Variants in ARHGAP15 observed in about 807,000 individuals in gnomAD.
ARHGAP15 encodes Rho GTPase activating protein 15.
In ARHGAP15, 51 loss-of-function variants were observed where a neutral mutation model predicts 63.7. That is an observed-to-expected ratio of 0.80 (90% CI 0.64 to 1.01). ARHGAP15 has a LOEUF of 1.01. ARHGAP15 is among the 50% of genes least tolerant of loss of function. The pLI, the probability that ARHGAP15 is intolerant of heterozygous loss-of-function variation, is 0.00. For missense variants in ARHGAP15, 560 were observed against 564.6 expected (o/e 0.99, Z 0.08); for synonymous variants, 191 against 193.8 (o/e 0.99, Z 0.12).
intron 11 of ARHGAP15, among the ~76,000 whole-genome samples, chr2:143,610,404 A>G (rs1238942509): frequency 1.3e-5 from 2 of 152,208 alleles, no homozygotes; most frequent in African/African-American, 4.8e-5. Flanking sequence ...ACTGAGATTC[A>G]TAGTTTGGTT....
At chr2:143,525,860 A>G (rs1694248250) in intron 10 of ARHGAP15, among the ~76,000 whole-genome samples, 1 of 152,204 alleles carries the variant, frequency 6.6e-6, no homozygotes, top group South Asian at 2.1e-4. Context: ...GAAATCAGAG[A>G]TGACAAGGTG....
intron 6 of ARHGAP15, among the ~76,000 whole-genome samples, chr2:143,318,509 CTT>C (rs535910161): frequency 3.9e-3 from 215 of 55,590 alleles, no homozygotes; most frequent in African/African-American, 0.012. Context: ...GATTAAGGGC[CTT>C]TTTTTTTTTT....
chr2:143,604,578 A>G (rs140684475), intron 11 of ARHGAP15, among the ~76,000 whole-genome samples: 17 of 152,336 alleles, frequency 1.1e-4, no homozygotes, highest in African/African-American at 3.8e-4. Context: ...TATTATATCT[A>G]GGTAGTGACT....
chr2:143,206,961 G>A (rs930100868), intron 3 of ARHGAP15, among the ~76,000 whole-genome samples: 1 of 151,410 alleles, frequency 6.6e-6, no homozygotes, highest in African/African-American at 2.4e-5. Flanking sequence ...AAATATATAT[G>A]CACATATATT....
At chr2:143,292,940 CA>C (rs1256133589) in intron 6 of ARHGAP15, among the ~76,000 whole-genome samples, 4 of 152,036 alleles carry the variant, frequency 2.6e-5, no homozygotes, top group Non-Finnish European at 5.9e-5. Flanking sequence ...TCCAATCCAA[CA>C]GTACCAGAAT....
At chr2:143,307,334 A>G (rs1178013976) in intron 6 of ARHGAP15, among the ~76,000 whole-genome samples, 1 of 152,156 alleles carries the variant, frequency 6.6e-6, no homozygotes, top group African/African-American at 2.4e-5. Context: ...TCTGTAGTGA[A>G]AAGAGAGGAT....
chr2:143,282,363 AAG>A (rs942906570), intron 6 of ARHGAP15, among the ~76,000 whole-genome samples: 5 of 152,226 alleles, frequency 3.3e-5, no homozygotes, highest in African/African-American at 9.6e-5. Context: ...TATAAGGAAA[AAG>A]AGGTTTAATA....
chr2:143,171,320 G>T (rs1690772651), intron 2 of ARHGAP15, among the ~76,000 whole-genome samples: 1 of 152,090 alleles, frequency 6.6e-6, no homozygotes, highest in Non-Finnish European at 1.5e-5. Context: ...CTACACAGGT[G>T]TTGTTTTCTA....
At chr2:143,687,330 T>C (rs917041018) in intron 12 of ARHGAP15, among the ~76,000 whole-genome samples, 7 of 152,218 alleles carry the variant, frequency 4.6e-5, no homozygotes, top group Admixed American at 3.3e-4. Flanking sequence ...GTATAGGTTT[T>C]ATTTTCCACT....
intron 6 of ARHGAP15, among the ~76,000 whole-genome samples, chr2:143,332,792 C>T (rs751967097): frequency 6.6e-6 from 1 of 152,048 alleles, no homozygotes; most frequent in Non-Finnish European, 1.5e-5. Flanking sequence ...TTTTCAGAAA[C>T]TTGCTGGAAC....
At chr2:143,387,750 A>G (rs1331801242) in intron 6 of ARHGAP15, among the ~76,000 whole-genome samples, 1 of 151,510 alleles carries the variant, frequency 6.6e-6, no homozygotes, top group Non-Finnish European at 1.5e-5. Context: ...AAAAAGTGGG[A>G]AAAAACAGAG....
chr2:143,368,084 T>C (rs996043004), intron 6 of ARHGAP15, among the ~76,000 whole-genome samples: 1 of 152,090 alleles, frequency 6.6e-6, no homozygotes, highest in African/African-American at 2.4e-5. Flanking sequence ...TCTTCATACT[T>C]TTCTATGCCT....
chr2:143,669,021 A>G (rs1194760714), intron 12 of ARHGAP15, among the ~76,000 whole-genome samples: 1 of 152,232 alleles, frequency 6.6e-6, no homozygotes, highest in African/African-American at 2.4e-5. Context: ...ACCAGGTTGA[A>G]AGTCTAAACT....
At chr2:143,685,838 C>T (rs1299843886) in intron 12 of ARHGAP15, among the ~76,000 whole-genome samples, 3 of 152,050 alleles carry the variant, frequency 2.0e-5, no homozygotes, top group African/African-American at 7.2e-5. Flanking sequence ...TCCTCACAGC[C>T]TGAAATTTGG....
intron 10 of ARHGAP15, among the ~76,000 whole-genome samples, chr2:143,545,275 A>T (rs1460052190): frequency 6.6e-6 from 1 of 152,112 alleles, no homozygotes; most frequent in Non-Finnish European, 1.5e-5. Flanking sequence ...TCTGAATTGG[A>T]GGCACCTCCC....
At chr2:143,735,093 G>C (rs532682225) in intron 13 of ARHGAP15, among the ~76,000 whole-genome samples, 1 of 152,148 alleles carries the variant, frequency 6.6e-6, no homozygotes, top group Non-Finnish European at 1.5e-5. Context: ...ACAGATATTC[G>C]ATTCAGCTTC....
At chr2:143,164,985 G>C (rs1415008899) in intron 2 of ARHGAP15, among the ~76,000 whole-genome samples, 1 of 151,982 alleles carries the variant, frequency 6.6e-6, no homozygotes, top group Non-Finnish European at 1.5e-5. Flanking sequence ...AAATGTTTTA[G>C]ATGTCAGAAA....
chr2:143,726,743 CT>C (rs1468001748), intron 13 of ARHGAP15, among the ~76,000 whole-genome samples: 5 of 152,226 alleles, frequency 3.3e-5, no homozygotes, highest in Admixed American at 1.3e-4. Context: ...CTGAGACCCA[CT>C]TTTCCACTAA....
At chr2:143,233,646 CTT>C (rs558684012) in intron 5 of ARHGAP15, among the ~76,000 whole-genome samples, 62 of 132,150 alleles carry the variant, frequency 4.7e-4, no homozygotes, top group Admixed American at 5.4e-4. Context: ...CAATAGCTAT[CTT>C]TTTTTTTTTT....
Sources: gnomAD v4.1 joint callset for allele counts (sites outside exome capture counted in the v4.1 genomes callset) on GRCh38, gnomAD v4.1.1 for gene constraint, MANE v1.5 for transcripts, NCBI Gene and HGNC (gene_info 2026-07-23, HGNC 2026-07-21) for gene names.